RSRC1: variants seen among roughly 807,000 people sequenced by gnomAD.
RSRC1 encodes serine/Arginine-related protein 53.
A neutral mutation model predicts 49.1 loss-of-function variants in RSRC1; 39 were observed. The ratio of observed to expected loss-of-function variants is 0.79; its 90% CI spans 0.61 to 1.04. The LOEUF (loss-of-function observed/expected upper bound fraction) is 1.04, where lower values mean the gene tolerates loss of function less well. RSRC1 is among the 50% of genes least tolerant of loss of function. RSRC1 has a pLI of 0.00. For missense variants in RSRC1, 388 were observed against 402.4 expected, an observed-to-expected ratio of 0.96 and a Z score of 0.31; for synonymous variants, 143 against 130.8, an observed-to-expected ratio of 1.09 and a Z score of -0.63.
chr3:158,154,499 C>T (rs1484910191), intron 3 of RSRC1, among the ~76,000 whole-genome samples: 3 of 149,354 alleles, frequency 2.0e-5, no homozygotes, highest in Admixed American at 6.7e-5. Context: ...GAGTCTCACT[C>T]TGTCACCTAG....
At chr3:158,383,248 T>C (rs1054802045) in intron 6 of RSRC1, among the ~76,000 whole-genome samples, 6 of 152,188 alleles carry the variant, frequency 3.9e-5, no homozygotes, top group Non-Finnish European at 7.3e-5. Flanking sequence ...CAAGAAAGGA[T>C]GAATGAAGTT....
At chr3:158,312,980 G>A (rs1045328276) in intron 5 of RSRC1, among the ~76,000 whole-genome samples, 4 of 151,992 alleles carry the variant, frequency 2.6e-5, no homozygotes, top group Admixed American at 2.0e-4. Context: ...AACCTAACAG[G>A]TTTATATCTT....
intron 6 of RSRC1, among the ~76,000 whole-genome samples, chr3:158,379,814 GCACA>G (rs140953408): frequency 2.1e-4 from 31 of 147,006 alleles, no homozygotes; most frequent in Non-Finnish European, 3.9e-4. Context: ...ACACGCGCAT[GCACA>G]CACACACACA....
At chr3:158,504,829 C>G (rs550496626) in intron 7 of RSRC1, among the ~76,000 whole-genome samples, 5 of 152,250 alleles carry the variant, frequency 3.3e-5, no homozygotes, top group African/African-American at 1.2e-4. Context: ...TAAAGGAAAC[C>G]TTTTAAAGTC....
chr3:158,272,136 G>A (rs1444132080), intron 4 of RSRC1, among the ~76,000 whole-genome samples: 2 of 152,076 alleles, frequency 1.3e-5, no homozygotes, highest in Non-Finnish European at 1.5e-5. Context: ...GCAAGTACCG[G>A]CAGATAAATG....
chr3:158,464,045 T>C (rs1023432639), intron 7 of RSRC1, among the ~76,000 whole-genome samples: 1 of 152,158 alleles, frequency 6.6e-6, no homozygotes, highest in African/African-American at 2.4e-5. Flanking sequence ...AGATTATAAT[T>C]TAGGAAAACT....
At chr3:158,226,159 AG>A (rs1344802088) in intron 4 of RSRC1, among the ~76,000 whole-genome samples, 1 of 151,902 alleles carries the variant, frequency 6.6e-6, no homozygotes. Flanking sequence ...CTGAAAGGAC[AG>A]GTGAAAAAAA....
intron 7 of RSRC1, among the ~76,000 whole-genome samples, chr3:158,517,654 A>G (rs1286813778): frequency 1.3e-5 from 2 of 149,058 alleles, no homozygotes; most frequent in Non-Finnish European, 1.5e-5. Context: ...GTGCAGTGGC[A>G]TGATCATGGC....
chr3:158,235,640 G>T (rs1724679), intron 4 of RSRC1, among the ~76,000 whole-genome samples: 104,943 of 151,902 alleles, frequency 0.69, 36,664 homozygotes, highest in East Asian at 0.84. Flanking sequence ...AAGATTAAAT[G>T]TTTACATATA....
intron 3 of RSRC1, among the ~76,000 whole-genome samples, chr3:158,169,164 C>A (rs77556958): frequency 0.036 from 5,428 of 152,196 alleles, 312 homozygotes; most frequent in African/African-American, 0.12. Flanking sequence ...CAGTAAGAGA[C>A]CACCAACCAC....
intron 6 of RSRC1, among the ~76,000 whole-genome samples, chr3:158,434,564 C>T (rs1653503286): frequency 6.6e-6 from 1 of 151,862 alleles, no homozygotes; most frequent in African/African-American, 2.4e-5. Flanking sequence ...GTTAACATTC[C>T]AACAGACAGA....
At chr3:158,402,829 G>A (rs1357919225) in intron 6 of RSRC1, among the ~76,000 whole-genome samples, 6 of 151,776 alleles carry the variant, frequency 4.0e-5, no homozygotes, top group African/African-American at 1.5e-4. Flanking sequence ...TGTCCTCATT[G>A]GTTGGATCTA....
chr3:158,527,905 A>G (rs551941447), intron 7 of RSRC1, among the ~76,000 whole-genome samples: 14 of 151,964 alleles, frequency 9.2e-5, no homozygotes, highest in Admixed American at 6.6e-5. Context: ...AATCATAACA[A>G]TATCTTTATA....
At chr3:158,447,094 C>T (rs1486061038) in intron 6 of RSRC1, among the ~76,000 whole-genome samples, 3 of 152,030 alleles carry the variant, frequency 2.0e-5, no homozygotes, top group Admixed American at 6.6e-5. Context: ...GCATTTAAAA[C>T]ATGCTTTTAA....
chr3:158,534,327 C>T (rs933098582), intron 7 of RSRC1, among the ~76,000 whole-genome samples: 3 of 151,624 alleles, frequency 2.0e-5, no homozygotes, highest in Admixed American at 1.3e-4. Flanking sequence ...TTATATTTAT[C>T]TCTGTAACAA....
chr3:158,200,624 A>G (rs534865423), intron 3 of RSRC1, among the ~76,000 whole-genome samples: 1 of 152,074 alleles, frequency 6.6e-6, no homozygotes, highest in African/African-American at 2.4e-5. Flanking sequence ...TTTAAAAGCA[A>G]TCTATTGACT....
chr3:158,421,979 T>G (rs1157518035), intron 6 of RSRC1, among the ~76,000 whole-genome samples: 1 of 151,892 alleles, frequency 6.6e-6, no homozygotes, highest in Non-Finnish European at 1.5e-5. Context: ...TAATAGAAGC[T>G]TTTTTGATGA....
intron 7 of RSRC1, among the ~76,000 whole-genome samples, chr3:158,518,043 A>G (rs1356395979): frequency 2.8e-5 from 4 of 144,238 alleles, no homozygotes; most frequent in African/African-American, 7.7e-5. Context: ...TTTTTATACA[A>G]TTTGATTTCA....
At chr3:158,203,972 G>A (rs1721214473) in intron 4 of RSRC1, among the ~76,000 whole-genome samples, 1 of 152,102 alleles carries the variant, frequency 6.6e-6, no homozygotes, top group Non-Finnish European at 1.5e-5. Context: ...ATTCAAAATT[G>A]TAATTGGGGT....
Sources: allele counts gnomAD v4.1 joint callset (sites outside exome capture counted in the v4.1 genomes callset), GRCh38; gene constraint gnomAD v4.1.1; transcripts MANE v1.5; gene names NCBI Gene and HGNC (gene_info 2026-07-23, HGNC 2026-07-21).